The following SH3GL2 variants were observed in gnomAD, a reference collection of about 807,000 sequenced individuals.
The protein encoded by SH3GL2 is SH3 domain containing GRB2 like 2, endophilin A1, also known as endophilin-A1.
In SH3GL2, 24 loss-of-function variants were observed where a neutral mutation model predicts 46.0. The ratio of observed to expected loss-of-function variants is 0.52; its 90% CI spans 0.38 to 0.73. The LOEUF (loss-of-function observed/expected upper bound fraction) is 0.73, where lower values mean the gene tolerates loss of function less well. SH3GL2 is among the 30% of genes least tolerant of loss of function. The pLI, the probability that SH3GL2 is intolerant of heterozygous loss-of-function variation, is 0.00. For missense variants in SH3GL2, 413 were observed against 424.2 expected (o/e 0.97, Z 0.23); for synonymous variants, 196 against 147.1 (o/e 1.33, Z -2.40).
At chr9:17,757,279 CA>C (rs1204178685) in intron 2 of SH3GL2, among the ~76,000 whole-genome samples, 1 of 152,180 alleles carries the variant, frequency 6.6e-6, no homozygotes, top group African/African-American at 2.4e-5. Flanking sequence ...ACACCAAAAG[CA>C]ATGGCAACAA....
intron 1 of SH3GL2, among the ~76,000 whole-genome samples, chr9:17,648,438 C>T (rs1819879193): frequency 6.6e-6 from 1 of 152,158 alleles, no homozygotes; most frequent in African/African-American, 2.4e-5. Context: ...TACAGATCTT[C>T]AAGGCCTGGC....
At chr9:17,763,693 G>A (rs766352405) in intron 3 of SH3GL2, among the ~76,000 whole-genome samples, 17 of 152,142 alleles carry the variant, frequency 1.1e-4, no homozygotes, top group Non-Finnish European at 1.9e-4. Flanking sequence ...CATTTGAAAT[G>A]ACAGCTCTAG....
chr9:17,738,626 T>TTATATATATATATATATATATATATA (rs368436353), intron 1 of SH3GL2, among the ~76,000 whole-genome samples: 1 of 74,814 alleles, frequency 1.3e-5, no homozygotes, highest in African/African-American at 5.1e-5. Flanking sequence ...TCATGTGATT[T>TTATATATATATATATATATATATATA]TATATATATA....
At chr9:17,690,047 C>T (rs1202637886) in intron 1 of SH3GL2, among the ~76,000 whole-genome samples, 2 of 152,070 alleles carry the variant, frequency 1.3e-5, no homozygotes, top group East Asian at 1.9e-4. Flanking sequence ...CTTAACCGCA[C>T]ATTCTGTGTG....
At chr9:17,583,290 G>A (rs1033749) in intron 1 of SH3GL2, among the ~76,000 whole-genome samples, 36,289 of 152,094 alleles carry the variant, frequency 0.24, 5,291 homozygotes, top group Non-Finnish European at 0.33. Flanking sequence ...TCTAAAATAC[G>A]TATGTTGAAG....
chr9:17,670,668 C>T (rs1395332337), intron 1 of SH3GL2, among the ~76,000 whole-genome samples: 1 of 152,224 alleles, frequency 6.6e-6, no homozygotes, highest in African/African-American at 2.4e-5. Context: ...TTTAGTCCAA[C>T]TTGGCTGGCA....
intron 3 of SH3GL2, 121 bp from the exon 4 acceptor site, chr9:17,786,260 G>T: frequency 2.4e-6 from 2 of 842,260 alleles, no homozygotes; most frequent in East Asian, 2.5e-5. Flanking sequence ...GCGTACTGAA[G>T]GTACACTTAT....
chr9:17,581,809 C>G (rs1395237382), intron 1 of SH3GL2, among the ~76,000 whole-genome samples: 1 of 152,178 alleles, frequency 6.6e-6, no homozygotes, highest in Non-Finnish European at 1.5e-5. Context: ...GGCGATTCTC[C>G]TGCCTCAGCC....
At chr9:17,641,985 T>G (rs1038911119) in intron 1 of SH3GL2, among the ~76,000 whole-genome samples, 1 of 152,180 alleles carries the variant, frequency 6.6e-6, no homozygotes. Context: ...CAAATGGTAT[T>G]TCTAGTTCTA....
chr9:17,793,347 C>T lies in SH3GL2; in HGVS notation c.729-20C>T. The stretch of plus-strand genomic sequence containing the variant: ...TTAACTGGTTACATAACCTTTCCAC[C>T]ACTTTTCTTTTTACTGCAGAATAAG... On this transcript the variant is annotated intron_variant, in intron 7 of 8. Coordinates refer to ENST00000380607, the MANE Select transcript of SH3GL2 (RefSeq NM_003026.5). The T allele has an allele frequency of 6.2e-7, 1 of 1,600,884 alleles. No homozygotes were observed. The highest frequency in any genetic ancestry group is 8.5e-7 in the Non-Finnish European group (1 of 1,173,958).
chr9:17,709,621 C>T (rs964837056), intron 1 of SH3GL2, among the ~76,000 whole-genome samples: 2 of 150,458 alleles, frequency 1.3e-5, no homozygotes, highest in South Asian at 4.2e-4. Context: ...AAACGTTTCT[C>T]ATTATATTAA....
intron 1 of SH3GL2, among the ~76,000 whole-genome samples, chr9:17,583,470 T>C (rs1288662275): frequency 6.6e-6 from 1 of 152,208 alleles, no homozygotes; most frequent in Non-Finnish European, 1.5e-5. Flanking sequence ...GGCACCATCT[T>C]TGAAGCAAAG....
rs1185867345 is a variant in SH3GL2 at position 17,645,285 on chromosome 9, T to G, written c.45+65998T>G. ...CCTGAATACAACACACTGATGGGTCTCCTGAATACAACACACCGATGGGTC... is the reference window on the plus strand; with the variant it reads ...CCTGAATACAACACACTGATGGGTCGCCTGAATACAACACACCGATGGGTC... On this transcript the variant is annotated intron_variant, in intron 1 of 8. Transcript: ENST00000380607. Among the ~76,000 whole-genome samples, 42 of 150,000 alleles carry G rather than the reference T, an allele frequency of 2.8e-4. No homozygotes were observed. The Admixed American group carries it at 2.8e-3, about 10-fold the overall frequency.
At chr9:17,791,677 C>A (rs1824133763) in intron 7 of SH3GL2, among the ~76,000 whole-genome samples, 1 of 152,142 alleles carries the variant, frequency 6.6e-6, no homozygotes, top group African/African-American at 2.4e-5. Flanking sequence ...TTATAACAGC[C>A]CTGTAACCTA....
At chr9:17,757,674 A>G (rs1188665901) in intron 2 of SH3GL2, among the ~76,000 whole-genome samples, 3 of 152,212 alleles carry the variant, frequency 2.0e-5, no homozygotes, top group African/African-American at 4.8e-5. Flanking sequence ...ATTGAGAAAA[A>G]TAACAGTTAC....
intron 1 of SH3GL2, among the ~76,000 whole-genome samples, chr9:17,673,675 A>G (rs1411006545): frequency 6.6e-6 from 1 of 152,144 alleles, no homozygotes; most frequent in South Asian, 2.1e-4. Context: ...TTCCCCAAAC[A>G]TAACTTTAGA....
At chr9:17,680,076 T>G (rs1249406646) in intron 1 of SH3GL2, among the ~76,000 whole-genome samples, 1 of 152,198 alleles carries the variant, frequency 6.6e-6, no homozygotes, top group Non-Finnish European at 1.5e-5. Flanking sequence ...TCAGGGATAT[T>G]GGTCTAAAAT....
chr9:17,679,800 C>T (rs952904555), intron 1 of SH3GL2, among the ~76,000 whole-genome samples: 2 of 152,058 alleles, frequency 1.3e-5, no homozygotes, highest in African/African-American at 4.8e-5. Flanking sequence ...TGAGATATGT[C>T]CCATCAATAC....
intron 1 of SH3GL2, among the ~76,000 whole-genome samples, chr9:17,629,646 T>C (rs1463486676): frequency 6.6e-6 from 1 of 152,222 alleles, no homozygotes; most frequent in Non-Finnish European, 1.5e-5. Context: ...TTTTGGTTAT[T>C]TAGCACTATA....
Sources: allele counts gnomAD v4.1 joint callset (sites outside exome capture counted in the v4.1 genomes callset), GRCh38; gene constraint gnomAD v4.1.1; transcripts MANE v1.5; gene names NCBI Gene and HGNC (gene_info 2026-07-23, HGNC 2026-07-21).